The following PSMA1 variants were observed in gnomAD, a reference collection of about 807,000 sequenced individuals.
The protein encoded by PSMA1 is proteasome 20S subunit alpha 1, also known as proteasome subunit alpha type-1.
In PSMA1, 3 loss-of-function variants were observed where a neutral mutation model predicts 38.4. That is an observed-to-expected ratio of 0.08 (90% CI 0.04 to 0.20). The LOEUF is 0.20. Ranked by LOEUF, PSMA1 falls within the 10% of genes least tolerant of loss-of-function variation. PSMA1 has a pLI of 1.00. For missense variants in PSMA1, 227 were observed against 325.3 expected (o/e 0.70, Z 2.32); for synonymous variants, 101 against 107.1 (o/e 0.94, Z 0.35).
chr11:14,559,472 A>G (rs1851984245), intron 2 of PSMA1, among the ~76,000 whole-genome samples: 1 of 152,222 alleles, frequency 6.6e-6, no homozygotes, highest in African/African-American at 2.4e-5. Flanking sequence ...GTGCGGGCAG[A>G]TAAGTGACAG....
Position 14,598,543 on chromosome 11 carries a change from G to A in PSMA1, c.21+12423C>T, listed in dbSNP as rs565093119. 9.3e-5 allele frequency among the ~76,000 whole-genome samples: 14 copies of A among 150,410 alleles called. No homozygotes were observed. The East Asian group carries it at 2.1e-3, about 23-fold the overall frequency. ...TTTGATCTTTGATGGTTTAAAGTCT[G>A]TTTTATCAGAGACTAGGATTGCAAC... On this transcript the variant is annotated intron_variant, in intron 2 of 10. Transcript: ENST00000418988.
chr11:14,575,379 A>T lies in PSMA1; in HGVS notation c.21+35587T>A, dbSNP rs1405566274. Among the ~76,000 whole-genome samples the T allele has an allele frequency of 2.6e-5, 4 of 152,018 alleles. No individual in the cohort carries two copies. In the East Asian group the frequency reaches 7.7e-4, roughly 29 times the overall value. On this transcript the variant is annotated intron_variant, in intron 2 of 10. Transcript: ENST00000418988. The stretch of plus-strand genomic sequence containing the variant: ...CATCCATTAACTCGTCATTTACATT[A>T]GGTATATCTCCTAATGCTATCCCTC...
chr11:14,517,839 T>C, intron 3 of PSMA1, 41 bp downstream of exon 3: 2 of 1,536,774 alleles, frequency 1.3e-6, no homozygotes, highest in East Asian at 2.3e-5. Context: ...GAAATTTACA[T>C]TGTTTTCTAC....
chr11:14,516,193 G>C (rs1385530955), intron 4 of PSMA1, among the ~76,000 whole-genome samples: 2 of 140,586 alleles, frequency 1.4e-5, no homozygotes, highest in Middle Eastern at 3.8e-3. Flanking sequence ...CTGGGCGACA[G>C]CGCGAGACTC....
chr11:14,610,163 G>A (rs572195463), intron 2 of PSMA1, among the ~76,000 whole-genome samples: 3 of 152,272 alleles, frequency 2.0e-5, no homozygotes, highest in African/African-American at 7.2e-5. Context: ...CTCAGAGAGC[G>A]GCATTTGCAA....
intron 5 of PSMA1, 87 bp downstream of exon 5, chr11:14,514,316 C>G: frequency 1.4e-6 from 2 of 1,440,386 alleles, no homozygotes; most frequent in Non-Finnish European, 1.8e-6. Context: ...TTACCTATGT[C>G]ATATTATTAT....
chr11:14,628,175 T>C (rs1852940920), intron 1 of PSMA1, among the ~76,000 whole-genome samples: 1 of 152,198 alleles, frequency 6.6e-6, no homozygotes, highest in Admixed American at 6.5e-5. Flanking sequence ...TTTTCTTTTT[T>C]TTTTATTATA....
intron 2 of PSMA1, among the ~76,000 whole-genome samples, chr11:14,610,054 T>C (rs1460853620): frequency 3.3e-5 from 5 of 152,094 alleles, no homozygotes; most frequent in Admixed American, 6.5e-5. Flanking sequence ...AGTCAGGAAA[T>C]TGTGAGCTTA....
At chr11:14,626,951 G>A (rs924322647) in intron 1 of PSMA1, among the ~76,000 whole-genome samples, 2 of 152,270 alleles carry the variant, frequency 1.3e-5, no homozygotes, top group South Asian at 4.1e-4. Context: ...AGGCTAGAAA[G>A]TCTAGAAGTT....
chr11:14,609,417 C>A (rs1484632324), intron 2 of PSMA1, among the ~76,000 whole-genome samples: 1 of 151,958 alleles, frequency 6.6e-6, no homozygotes, highest in Non-Finnish European at 1.5e-5. Context: ...CTTCATGGAG[C>A]AAAATTGCAT....
chr11:14,625,165 C>T (rs1401346181), intron 1 of PSMA1, among the ~76,000 whole-genome samples: 14 of 152,278 alleles, frequency 9.2e-5, no homozygotes, highest in African/African-American at 3.1e-4. Flanking sequence ...ATTTGTCATT[C>T]AGCCTGGGTG....
At chr11:14,613,608 T>C (rs1852735026) in intron 1 of PSMA1, among the ~76,000 whole-genome samples, 2 of 152,146 alleles carry the variant, frequency 1.3e-5, no homozygotes, top group South Asian at 4.1e-4. Flanking sequence ...CAGACTTCCA[T>C]TGGTTTCAGA....
At chr11:14,563,147 C>A (rs1293857559) in intron 2 of PSMA1, among the ~76,000 whole-genome samples, 13 of 152,070 alleles carry the variant, frequency 8.5e-5, no homozygotes, top group Admixed American at 8.5e-4. Context: ...GATGGGATTG[C>A]TTTTTACGCT....
chr11:14,566,253 G>T (rs765726860), intron 2 of PSMA1, among the ~76,000 whole-genome samples: 4 of 152,160 alleles, frequency 2.6e-5, no homozygotes, highest in African/African-American at 9.7e-5. Flanking sequence ...ATAGACTATG[G>T]GTAGAAGCAG....
At chr11:14,631,765 G>T (rs186867216) in intron 1 of PSMA1, among the ~76,000 whole-genome samples, 1 of 152,072 alleles carries the variant, frequency 6.6e-6, no homozygotes, top group Admixed American at 6.6e-5. Flanking sequence ...TGACATTGGG[G>T]TGTTAAAATC....
At chr11:14,643,278 C>T (rs550007999) in intron 1 of PSMA1, among the ~76,000 whole-genome samples, 1 of 151,978 alleles carries the variant, frequency 6.6e-6, no homozygotes, top group Admixed American at 6.5e-5. Context: ...TGGCCCTAAA[C>T]TGGTCACAGT....
intron 2 of PSMA1, among the ~76,000 whole-genome samples, chr11:14,567,827 C>T (rs886267297): frequency 3.3e-5 from 5 of 152,086 alleles, no homozygotes; most frequent in African/African-American, 9.7e-5. Flanking sequence ...CTAATAATAG[C>T]GTTGCAGTGC....
At chr11:14,592,734 T>C (rs1057301118) in intron 2 of PSMA1, among the ~76,000 whole-genome samples, 1 of 152,210 alleles carries the variant, frequency 6.6e-6, no homozygotes, top group Non-Finnish European at 1.5e-5. Flanking sequence ...CCCTGGTGCC[T>C]AAAACAATTT....
intron 1 of PSMA1, among the ~76,000 whole-genome samples, chr11:14,628,974 A>G (rs961417605): frequency 6.6e-6 from 1 of 150,978 alleles, no homozygotes; most frequent in Non-Finnish European, 1.5e-5. Context: ...TCTTTTGAGA[A>G]GTGTCTGTTC....
Sources: allele counts gnomAD v4.1 joint callset (sites outside exome capture counted in the v4.1 genomes callset), GRCh38; gene constraint gnomAD v4.1.1; transcripts MANE v1.5; gene names NCBI Gene and HGNC (gene_info 2026-07-23, HGNC 2026-07-21).